ST6GALNAC1: variants seen among roughly 807,000 people sequenced by gnomAD.
ST6GALNAC1 encodes the protein ST6 N-acetylgalactosaminide alpha-2,6-sialyltransferase 1.
ST6GALNAC1 carries 45 observed loss-of-function variants against 56.8 expected under a neutral mutation model. That is an observed-to-expected ratio of 0.79 (90% CI 0.62 to 1.02). The LOEUF (loss-of-function observed/expected upper bound fraction) is 1.02, where lower values mean the gene tolerates loss of function less well. ST6GALNAC1 is among the 50% of genes least tolerant of loss of function. ST6GALNAC1 has a pLI of 0.00. For missense variants in ST6GALNAC1, 743 were observed against 754.8 expected (o/e 0.98, Z 0.18); for synonymous variants, 295 against 297.8 (o/e 0.99, Z 0.10).
chr17:76,639,510 G>C (rs2143486219), intron 1 of ST6GALNAC1, among the ~76,000 whole-genome samples: 1 of 152,234 alleles, frequency 6.6e-6, no homozygotes, highest in East Asian at 1.9e-4. Flanking sequence ...TGGGAGGTGA[G>C]GTTGCAATGA....
intron 1 of ST6GALNAC1, among the ~76,000 whole-genome samples, chr17:76,636,179 C>T (rs554895129): frequency 5.3e-5 from 8 of 152,294 alleles, no homozygotes; most frequent in Non-Finnish European, 1.0e-4. Flanking sequence ...CCCTTTTCTA[C>T]GCCTGTCATG....
At position 76,626,393 on chromosome 17, in the gene ST6GALNAC1, C is replaced by T. The variant is rs2075798776; in HGVS notation, c.1312-1G>A. ...CCAGGAAGTGCAAGTAGCGGACGTC[C>T]TGAGGACCAAGGACAGGGAGTGGTC... On this transcript the variant is annotated splice_acceptor_variant, in intron 5 of 8. Transcript: ENST00000156626. LOFTEE classifies it high-confidence loss of function. 6.2e-7 allele frequency: 1 copy of T among 1,613,856 alleles called. No individual in the cohort carries two copies. Among genetic ancestry groups the T allele is most frequent in the African/African-American group, 1.3e-5 (1 of 74,920 alleles).
In ST6GALNAC1 at chr17:76,633,195, C is replaced by T. The variant is rs556665297; in HGVS notation, c.132-3484G>A. ...CTGCACTCCAGCCTGGGTGACAGAG[C>T]AAGACTCCATCTCAATTAAAAAATA... On this transcript the variant is annotated intron_variant, in intron 1 of 8. Transcript: ENST00000156626. Among the ~76,000 whole-genome samples the T allele has an allele frequency of 2.0e-5, 3 of 151,544 alleles. No individual in the cohort carries two copies. The South Asian group carries it at 6.3e-4, about 32-fold the overall frequency.
the ST6GALNAC1 span, among the ~76,000 whole-genome samples, chr17:76,619,350 T>G: frequency 6.6e-6 from 1 of 152,206 alleles, no homozygotes; most frequent in Non-Finnish European, 1.5e-5. Flanking sequence ...CTAGGGAATG[T>G]ATGTATACGT....
chr17:76,618,393 G>A, the ST6GALNAC1 span, among the ~76,000 whole-genome samples: 1 of 152,034 alleles, frequency 6.6e-6, no homozygotes, highest in Non-Finnish European at 1.5e-5. Context: ...CAAACCATCT[G>A]GAGGACAGAA....
chr17:76,624,243 A>C (rs1305734774), downstream of ST6GALNAC1, among the ~76,000 whole-genome samples: 2 of 151,558 alleles, frequency 1.3e-5, no homozygotes, highest in East Asian at 3.9e-4. Context: ...TTATTTATTT[A>C]TTATTTTTAT....
At chr17:76,620,326 CA>C (rs2075727860), downstream of ST6GALNAC1, among the ~76,000 whole-genome samples, 1 of 152,124 alleles carries the variant, frequency 6.6e-6, no homozygotes, top group South Asian at 2.1e-4. Context: ...AGGTGTGAGC[CA>C]CCGCACCCAG....
At chr17:76,639,468 C>A (rs2076017526) in intron 1 of ST6GALNAC1, among the ~76,000 whole-genome samples, 1 of 151,936 alleles carries the variant, frequency 6.6e-6, no homozygotes, top group South Asian at 2.1e-4. Flanking sequence ...CCCAGCTACT[C>A]TGGAGGCTGA....
In ST6GALNAC1 at chr17:76,624,985, A is replaced by G; in HGVS notation, c.*345T>C. 1 of 302,596 alleles carries G rather than the reference A, an allele frequency of 3.3e-6. No homozygotes were observed. The highest frequency in any genetic ancestry group is 4.8e-5 in the South Asian group (1 of 20,926). 18.7% of individuals were successfully genotyped at this position (302,596 alleles called of 1,614,324 possible). A position where few individuals can be genotyped will look rare whatever the true frequency, so the allele number is the denominator to read the frequency against. On this transcript the variant is annotated 3_prime_UTR_variant, in exon 9 of 9. Coordinates refer to ENST00000156626, the MANE Select transcript of ST6GALNAC1 (RefSeq NM_018414.5). ...GTAAACTCGATCTGGAATTCAAACCAGATCTATATGTTTCTGTAAATCCAG... is the reference window on the plus strand; with the variant it reads ...GTAAACTCGATCTGGAATTCAAACCGGATCTATATGTTTCTGTAAATCCAG...
downstream of ST6GALNAC1, among the ~76,000 whole-genome samples, chr17:76,621,182 C>CTTTTTTTTTTT (rs367846650): frequency 5.7e-5 from 6 of 105,326 alleles, no homozygotes; most frequent in East Asian, 3.1e-4. Flanking sequence ...TTCTTTCTTT[C>CTTTTTTTTTTT]TTTCTTTTTT....
rs1188233098 is a variant in ST6GALNAC1 at position 76,624,811 on chromosome 17, A to G, written c.*519T>C. ...CTTTCCATGGACAACAATCATTTGT[A>G]TTATTATCAGTTTTCTACAACACGT... On this transcript the variant is annotated 3_prime_UTR_variant, in exon 9 of 9. Coordinates refer to ENST00000156626, the MANE Select transcript of ST6GALNAC1 (RefSeq NM_018414.5). The G allele has an allele frequency of 6.5e-6, 1 of 154,080 alleles. No individual in the cohort carries two copies. The highest frequency in any genetic ancestry group is 2.4e-5 in the African/African-American group (1 of 41,454). The allele number at this position is 154,080 out of a possible 1,614,324, so 9.5% of individuals were successfully genotyped here.
chr17:76,627,671 C>T lies in ST6GALNAC1; in HGVS notation c.832-88G>A, dbSNP rs1420767425. The T allele has an allele frequency of 3.3e-5, 44 of 1,340,754 alleles. No individual in the cohort carries two copies. Among genetic ancestry groups the T allele is most frequent in the Non-Finnish European group, 4.2e-5 (41 of 967,658 alleles). 83.1% of individuals were successfully genotyped at this position (1,340,754 alleles called of 1,614,324 possible). ...CACCACTGCAGCAAGGGCTGGGGCT[C>T]GCAGTTTGGAAGGCGCGGCCTCTGC... On this transcript the variant is annotated intron_variant, in intron 2 of 8. Transcript: ENST00000156626. This position sits in a 1 kb window ranked among gnomAD's most constrained non-coding sequence, Gnocchi z 4.4.
chr17:76,620,192 C>T (rs1332016217), downstream of ST6GALNAC1, among the ~76,000 whole-genome samples: 2 of 151,810 alleles, frequency 1.3e-5, no homozygotes, highest in African/African-American at 4.8e-5. Context: ...AGGCACGTGC[C>T]ACCATGCCCA....
Position 76,643,711 on chromosome 17 carries a change from C to G in ST6GALNAC1, c.-73G>C, listed in dbSNP as rs994370791. 5.6e-5 allele frequency: 84 copies of G among 1,504,588 alleles called. No individual in the cohort carries two copies. The highest frequency in any genetic ancestry group is 7.0e-5 in the Non-Finnish European group (77 of 1,095,374). The allele number at this position is 1,504,588 out of a possible 1,614,324, so 93.2% of individuals were successfully genotyped here. ...TGATGTAGGCAGCTGGGAGTCTCAC[C>G]GCTCAGGTTTCCTGGCCAGGAAGTG... On this transcript the variant is annotated 5_prime_UTR_variant, in exon 1 of 9. Coordinates refer to ENST00000156626, the MANE Select transcript of ST6GALNAC1 (RefSeq NM_018414.5).
At chr17:76,643,458 G>A (rs1174747782) in intron 1 of ST6GALNAC1, 50 bp downstream of exon 1, 2 of 1,600,618 alleles carry the variant, frequency 1.2e-6, no homozygotes, top group African/African-American at 2.7e-5. Flanking sequence ...TCATTTTTCT[G>A]TTTCCTCAAA....
chr17:76,625,209 G>T lies in ST6GALNAC1; in HGVS notation c.*121C>A. ...TTGTCCATGGTTCAAGTGTTCCCTTGGAACTCCTGAAGGGCTTGGAGCTTA... is the reference window on the plus strand; with the variant it reads ...TTGTCCATGGTTCAAGTGTTCCCTTTGAACTCCTGAAGGGCTTGGAGCTTA... On this transcript the variant is annotated 3_prime_UTR_variant, in exon 9 of 9. Transcript: ENST00000156626. The T allele has an allele frequency of 9.8e-7, 1 of 1,025,444 alleles. No individual in the cohort carries two copies. The highest frequency in any genetic ancestry group is 2.6e-5 in the East Asian group (1 of 38,438). 63.5% of individuals were successfully genotyped at this position (1,025,444 alleles called of 1,614,324 possible).
intron 1 of ST6GALNAC1, among the ~76,000 whole-genome samples, chr17:76,642,322 G>A (rs1361471894): frequency 2.0e-5 from 3 of 151,996 alleles, no homozygotes; most frequent in Non-Finnish European, 2.9e-5. Flanking sequence ...TTGAATCTTG[G>A]CCCTGCCGCA....
intron 1 of ST6GALNAC1, among the ~76,000 whole-genome samples, chr17:76,631,132 C>T (rs948097271): frequency 2.0e-5 from 3 of 151,024 alleles, no homozygotes; most frequent in Non-Finnish European, 4.4e-5. Context: ...TGTTTAGAGA[C>T]TGGATCTCAC....
chr17:76,637,367 A>T, intron 1 of ST6GALNAC1: 1 of 200,786 alleles, frequency 5.0e-6, no homozygotes, highest in Non-Finnish European at 9.8e-6. Context: ...AAAAAAAAAA[A>T]GACATAGAAC....
Sources: gnomAD v4.1 joint callset for allele counts (sites outside exome capture counted in the v4.1 genomes callset) on GRCh38, gnomAD v4.1.1 for gene constraint, Gnocchi (gnomAD v3.1) non-coding constraint, MANE v1.5 for transcripts, NCBI Gene and HGNC (gene_info 2026-07-23, HGNC 2026-07-21) for gene names.